Variants in MSH4 observed in about 807,000 individuals in gnomAD.
MSH4 encodes the protein mutS homolog 4.
In MSH4, 106 loss-of-function variants were observed where a neutral mutation model predicts 113.7. The ratio of observed to expected loss-of-function variants is 0.93; its 90% CI spans 0.80 to 1.10. The LOEUF (loss-of-function observed/expected upper bound fraction) is 1.10. Ranked by LOEUF, MSH4 falls within the 50% of genes least tolerant of loss-of-function variation. The pLI is 0.00. For missense variants in MSH4, 1,061 were observed against 1,093.7 expected (o/e 0.97, Z 0.42); for synonymous variants, 368 against 380.2 (o/e 0.97, Z 0.37).
intron 4 of MSH4, among the ~76,000 whole-genome samples, chr1:75,814,099 A>G (rs1650245029): frequency 6.6e-6 from 1 of 151,998 alleles, no homozygotes; most frequent in African/African-American, 2.4e-5. Flanking sequence ...CCTTTTCTTA[A>G]CCATCAGTTT....
rs747882214 is a variant in MSH4, at chr1:75,876,980, T to A, written c.1350T>A (p.Tyr450Ter). 1 of 1,566,432 alleles carries A rather than the reference T, an allele frequency of 6.4e-7. No individual in the cohort carries two copies. The highest frequency in any genetic ancestry group is 1.4e-5 in the African/African-American group (1 of 72,950). Residue 450 changes from tyrosine to a stop codon, truncating the protein, a stop_gained, in exon 10 of 20, where the codon TAT (tyrosine) becomes TAA (stop). Transcript: ENST00000263187. LOFTEE classifies it high-confidence loss of function. ...NCNTPLLRAY[Y>*]GSLEDKRFGI... is the part of the protein sequence containing the mutation. The stretch of plus-strand genomic sequence containing the variant: ...ACACACCTTTATTAAGAGCTTACTA[T>A]GGTTCCTTGGAAGACAAGAGGTCTT...
At chr1:75,886,666 AT>A (rs1263962336) in intron 15 of MSH4, among the ~76,000 whole-genome samples, 1 of 132,984 alleles carries the variant, frequency 7.5e-6, no homozygotes, top group Admixed American at 8.3e-5. Context: ...AAATATATAC[AT>A]TATACATTAT....
At chr1:75,895,593 G>GTA (rs891661379) in intron 17 of MSH4, among the ~76,000 whole-genome samples, 2 of 151,964 alleles carry the variant, frequency 1.3e-5, no homozygotes, top group African/African-American at 2.4e-5. Flanking sequence ...TTTTTGGTGT[G>GTA]TATATATATA....
chr1:75,821,012 C>G (rs1191615314), intron 6 of MSH4, among the ~76,000 whole-genome samples: 1 of 151,924 alleles, frequency 6.6e-6, no homozygotes, highest in Non-Finnish European at 1.5e-5. Flanking sequence ...AGAAAGTTAA[C>G]AAGGATATCC....
At chr1:75,803,650 A>T (rs1570938143) in intron 1 of MSH4, 81 bp from the exon 2 acceptor site, 1 of 1,026,408 alleles carries the variant, frequency 9.7e-7, no homozygotes, top group East Asian at 2.9e-5. Context: ...AGGAAAGTGA[A>T]CATGGTATAA....
At chr1:75,842,914 T>G (rs1324640252) in intron 7 of MSH4, among the ~76,000 whole-genome samples, 2 of 152,200 alleles carry the variant, frequency 1.3e-5, no homozygotes, top group African/African-American at 4.8e-5. Flanking sequence ...TCCGGAGGCC[T>G]AACAGTCTCA....
intron 19 of MSH4, among the ~76,000 whole-genome samples, chr1:75,906,113 C>A (rs972496336): frequency 6.6e-6 from 1 of 151,868 alleles, no homozygotes; most frequent in African/African-American, 2.4e-5. Flanking sequence ...GCCTCAGCCT[C>A]CCAAGTAGCT....
chr1:75,880,647 C>T (rs1651911449), intron 13 of MSH4, among the ~76,000 whole-genome samples: 1 of 152,040 alleles, frequency 6.6e-6, no homozygotes, highest in South Asian at 2.1e-4. Flanking sequence ...GCATGTACCA[C>T]CAACATTTTA....
chr1:75,841,737 G>A (rs1650963583), intron 7 of MSH4, among the ~76,000 whole-genome samples: 1 of 152,094 alleles, frequency 6.6e-6, no homozygotes, highest in Admixed American at 6.6e-5. Flanking sequence ...ATAGATTTGG[G>A]GAAAGGAAGA....
Position 75,803,722 on chromosome 1 carries a change from C to A in MSH4, c.245-9C>A. ...CTTTAAGAATTGACTGTTAATTTTT[C>A]AAATTTAGGTTCATACTTTGGAAAC... On this transcript the variant is annotated splice_polypyrimidine_tract_variant and intron_variant, in intron 1 of 19. Transcript: ENST00000263187. The A allele has an allele frequency of 6.5e-7, 1 of 1,530,094 alleles. No homozygotes were observed. The highest frequency in any genetic ancestry group is 2.2e-5 in the Admixed American group (1 of 45,624). 94.8% of individuals were successfully genotyped at this position (1,530,094 alleles called of 1,614,324 possible). A position where few individuals can be genotyped will look rare whatever the true frequency, so the allele number is the denominator to read the frequency against.
chr1:75,840,942 G>A (rs1650946425), intron 7 of MSH4, among the ~76,000 whole-genome samples: 1 of 152,110 alleles, frequency 6.6e-6, no homozygotes, highest in African/African-American at 2.4e-5. Context: ...AATCCAGATG[G>A]GATTTGCAGG....
At position 75,880,009 on chromosome 1, in the gene MSH4, T is replaced by C. The variant is rs374669268; in HGVS notation, c.1678-41T>C. 1.1e-5 allele frequency: 10 copies of C among 927,030 alleles called. No individual in the cohort carries two copies. In the African/African-American group the frequency reaches 1.6e-4, roughly 15 times the overall value. 57.4% of individuals were successfully genotyped at this position (927,030 alleles called of 1,614,324 possible). The stretch of plus-strand genomic sequence containing the variant: ...TTTAAAATCTTACATTTCATAGTAG[T>C]GTGCATTTATCTTGACATTTGTTTT... On this transcript the variant is annotated intron_variant, in intron 12 of 19. Coordinates refer to ENST00000263187, the MANE Select transcript of MSH4 (RefSeq NM_002440.4).
chr1:75,906,093 C>T lies in MSH4; in HGVS notation c.2619+6387C>T, dbSNP rs563386144. Among the ~76,000 whole-genome samples the T allele has an allele frequency of 2.3e-4, 35 of 151,928 alleles. 1 individual carries two copies. Among genetic ancestry groups the T allele is most frequent in the Non-Finnish European group, 4.4e-4 (30 of 67,938 alleles). On this transcript the variant is annotated intron_variant, in intron 19 of 19. Transcript: ENST00000263187. ...GCAACCTCCACCTCCCAGGTTCAAG[C>T]GATTCTTCTGCCTCAGCCTCCCAAG...
intron 9 of MSH4, among the ~76,000 whole-genome samples, chr1:75,871,104 G>A (rs996015412): frequency 2.6e-5 from 4 of 152,132 alleles, no homozygotes; most frequent in African/African-American, 9.7e-5. Flanking sequence ...GTACAATCAT[G>A]GCAGAAGGAG....
intron 7 of MSH4, among the ~76,000 whole-genome samples, chr1:75,836,294 TTCTTTTTC>T (rs1401248802): frequency 2.5e-5 from 1 of 40,254 alleles, no homozygotes; most frequent in Non-Finnish European, 5.5e-5. Context: ...CTCTTTTTCT[TTCTTTTTC>T]TTTTTTTTTT....
At chr1:75,882,828 C>T (rs1210058352) in intron 14 of MSH4, among the ~76,000 whole-genome samples, 1 of 151,826 alleles carries the variant, frequency 6.6e-6, no homozygotes, top group East Asian at 1.9e-4. Context: ...GGGTGATAGA[C>T]CAAGACCCTG....
At chr1:75,826,856 T>C (rs1406839025) in intron 7 of MSH4, among the ~76,000 whole-genome samples, 1 of 152,216 alleles carries the variant, frequency 6.6e-6, no homozygotes, top group Non-Finnish European at 1.5e-5. Flanking sequence ...TTCCATTTGC[T>C]GAAGAGTGTT....
At chr1:75,909,232 G>A (rs187577473) in intron 19 of MSH4, among the ~76,000 whole-genome samples, 2 of 152,156 alleles carry the variant, frequency 1.3e-5, no homozygotes, top group African/African-American at 4.8e-5. Flanking sequence ...GGAATTTTCT[G>A]TGCATGATGC....
At chr1:75,908,425 C>T (rs201961891) in intron 19 of MSH4, among the ~76,000 whole-genome samples, 3 of 152,116 alleles carry the variant, frequency 2.0e-5, no homozygotes, top group Admixed American at 1.3e-4. Flanking sequence ...GGATTACAGG[C>T]GTGAGCCAAT....
Sources: gnomAD v4.1 joint callset for allele counts (sites outside exome capture counted in the v4.1 genomes callset) on GRCh38, gnomAD v4.1.1 for gene constraint, MANE v1.5 for transcripts, NCBI Gene and HGNC (gene_info 2026-07-23, HGNC 2026-07-21) for gene names.